The following AMPH variants were observed in gnomAD, a reference collection of about 807,000 sequenced individuals.
The protein encoded by AMPH is amphiphysin, also known as amphiphysin (Stiff-Mann syndrome with breast cancer 128kD autoantigen).
AMPH carries 49 observed loss-of-function variants against 99.1 expected under a neutral mutation model. That is an observed-to-expected ratio of 0.49 (90% CI 0.39 to 0.63). The LOEUF is 0.63. AMPH is among the 20% of genes least tolerant of loss of function. AMPH has a pLI of 0.00. For synonymous variants in AMPH, 314 were observed against 317.3 expected, an observed-to-expected ratio of 0.99 and a Z score of 0.11; for missense variants, 759 against 863.4, an observed-to-expected ratio of 0.88 and a Z score of 1.52.
At chr7:38,603,124 T>C (rs939504070) in intron 1 of AMPH, among the ~76,000 whole-genome samples, 1 of 152,050 alleles carries the variant, frequency 6.6e-6, no homozygotes, top group Non-Finnish European at 1.5e-5. Flanking sequence ...AAGACCAGCC[T>C]GGGCAACATG....
At chr7:38,592,455 G>A (rs751781762) in intron 1 of AMPH, among the ~76,000 whole-genome samples, 8 of 152,166 alleles carry the variant, frequency 5.3e-5, no homozygotes, top group East Asian at 1.9e-4. Context: ...TTCTGGGCCC[G>A]GCATGTTGGC....
chr7:38,576,553 A>G lies in AMPH; in HGVS notation c.70-41542T>C, dbSNP rs372870926. On this transcript the variant is annotated intron_variant, in intron 1 of 20. Transcript: ENST00000356264. ...ATGTTAAGTGCTGGTTTTCAGGAGA[A>G]AACTGGAGAAAAGTGTGAATTAGAT... 2.0e-5 allele frequency among the ~76,000 whole-genome samples: 3 copies of G among 152,186 alleles called. No homozygotes were observed. The East Asian group carries it at 5.8e-4, about 29-fold the overall frequency.
At chr7:38,555,951 G>A (rs569592223) in intron 1 of AMPH, among the ~76,000 whole-genome samples, 7 of 152,124 alleles carry the variant, frequency 4.6e-5, no homozygotes, top group South Asian at 4.2e-4. Context: ...ACAGACAATG[G>A]GGACTCCTAG....
intron 11 of AMPH, among the ~76,000 whole-genome samples, chr7:38,438,776 A>C (rs545935819): frequency 2.6e-5 from 4 of 152,314 alleles, no homozygotes; most frequent in Admixed American, 2.0e-4. Context: ...CTTCATGAAT[A>C]AAATGGGATT....
At chr7:38,536,682 T>A (rs1790616436) in intron 1 of AMPH, among the ~76,000 whole-genome samples, 1 of 152,154 alleles carries the variant, frequency 6.6e-6, no homozygotes, top group Admixed American at 6.5e-5. Context: ...GTAAGTAATA[T>A]GAAATATGCT....
chr7:38,533,233 A>G (rs983157005), intron 2 of AMPH, among the ~76,000 whole-genome samples: 4 of 152,204 alleles, frequency 2.6e-5, no homozygotes, highest in Non-Finnish European at 4.4e-5. Context: ...TGTGGGCCCA[A>G]GTCCAACATT....
At chr7:38,446,118 T>C in intron 11 of AMPH, among the ~76,000 whole-genome samples, 1 of 152,198 alleles carries the variant, frequency 6.6e-6, no homozygotes, top group East Asian at 1.9e-4. Context: ...CAGTCTCAGG[T>C]ATTTCTTTAT....
chr7:38,465,511 A>C lies in AMPH; in HGVS notation c.705T>G (p.Gly235=). 1 of 1,585,812 alleles carries C rather than the reference A, an allele frequency of 6.3e-7. No individual in the cohort carries two copies. The highest frequency in any genetic ancestry group is 2.3e-5 in the East Asian group (1 of 44,190). Reference sequence around the variant, plus strand: ...TGAAGGCCTTGTCGGCGTGCTGGTCACCCAGTTTTGTCATCACTTCATACA... The same window carrying C: ...TGAAGGCCTTGTCGGCGTGCTGGTCCCCCAGTTTTGTCATCACTTCATACA... The part of the protein sequence containing the change: ...HKLYEVMTKL[G]DQHADKAFTI... The change falls in exon 9 of 21, where the codon GGT becomes GGG. Residue 235 remains glycine, a synonymous_variant. Transcript: ENST00000356264.
At chr7:38,580,496 C>T (rs6953688) in intron 1 of AMPH, among the ~76,000 whole-genome samples, 42,747 of 151,900 alleles carry the variant, frequency 0.28, 6,425 homozygotes, top group Non-Finnish European at 0.34. Context: ...CCAGGTTGGA[C>T]GTCCTCCCAT....
At chr7:38,630,900 G>GGGGAGATGCGAGCGCA (rs1430282766) in intron 1 of AMPH, among the ~76,000 whole-genome samples, 25 of 152,144 alleles carry the variant, frequency 1.6e-4, no homozygotes, top group African/African-American at 7.2e-5. Flanking sequence ...GAGCCGGCCC[G>GGGGAGATGCGAGCGCA]GGGAGATGCG....
At chr7:38,543,855 T>A (rs945846365) in intron 1 of AMPH, among the ~76,000 whole-genome samples, 5 of 152,138 alleles carry the variant, frequency 3.3e-5, no homozygotes, top group Non-Finnish European at 7.3e-5. Context: ...TACCAAAGAC[T>A]ATATATCCAT....
At chr7:38,524,260 G>A (rs1790079899) in intron 2 of AMPH, among the ~76,000 whole-genome samples, 1 of 152,116 alleles carries the variant, frequency 6.6e-6, no homozygotes, top group Non-Finnish European at 1.5e-5. Context: ...ATCATGAAAG[G>A]CAAGAAAACA....
At chr7:38,423,445 C>T (rs58481273) in intron 15 of AMPH, among the ~76,000 whole-genome samples, 7,142 of 152,220 alleles carry the variant, frequency 0.047, 535 homozygotes, top group African/African-American at 0.16. Flanking sequence ...GGATGCCTAA[C>T]GGAAAAGATG....
At chr7:38,431,170 T>C (rs111862305) in intron 13 of AMPH, among the ~76,000 whole-genome samples, 2 of 152,340 alleles carry the variant, frequency 1.3e-5, no homozygotes, top group African/African-American at 4.8e-5. Context: ...CAAGTCTAAA[T>C]TATGGAGTAG....
At chr7:38,497,910 C>T (rs1266313515) in intron 3 of AMPH, among the ~76,000 whole-genome samples, 1 of 152,210 alleles carries the variant, frequency 6.6e-6, no homozygotes, top group Non-Finnish European at 1.5e-5. Context: ...CTATTAATGA[C>T]ACCACGTGCA....
At chr7:38,389,667 T>C (rs1014251162) in intron 20 of AMPH, 137 bp downstream of exon 20, 3 of 705,356 alleles carry the variant, frequency 4.3e-6, no homozygotes, top group Admixed American at 4.5e-5. Flanking sequence ...ATCTATGCTG[T>C]CACAAGCCCT....
At chr7:38,403,466 C>T (rs1488862685) in intron 17 of AMPH, among the ~76,000 whole-genome samples, 1 of 152,236 alleles carries the variant, frequency 6.6e-6, no homozygotes, top group Non-Finnish European at 1.5e-5. Context: ...CAGGCCTGCA[C>T]TGAAATGGCA....
intron 1 of AMPH, among the ~76,000 whole-genome samples, chr7:38,591,245 C>A (rs1792843414): frequency 6.6e-6 from 1 of 151,586 alleles, no homozygotes; most frequent in African/African-American, 2.4e-5. Flanking sequence ...ATTTAAGAAT[C>A]TTGGAAGCCC....
At chr7:38,538,407 T>C (rs1029679401) in intron 1 of AMPH, among the ~76,000 whole-genome samples, 15 of 152,284 alleles carry the variant, frequency 9.9e-5, no homozygotes, top group Middle Eastern at 3.4e-3. Flanking sequence ...GATCTTTCAA[T>C]AGTATTCAAG....
Sources: allele counts gnomAD v4.1 joint callset (sites outside exome capture counted in the v4.1 genomes callset), GRCh38; gene constraint gnomAD v4.1.1; transcripts MANE v1.5; gene names NCBI Gene and HGNC (gene_info 2026-07-23, HGNC 2026-07-21).